Variants in USP15 observed in about 807,000 individuals in gnomAD.
USP15 encodes the protein ubiquitin specific peptidase 15, also known as ubiquitin carboxyl-terminal hydrolase 15.
Under a neutral mutation model 127.1 loss-of-function variants are expected in USP15, and 18 were observed. The ratio of observed to expected loss-of-function variants is 0.14; its 90% CI spans 0.10 to 0.21. USP15 has a LOEUF of 0.21. USP15 is among the 10% of genes least tolerant of loss of function. USP15 has a pLI of 1.00. For missense variants in USP15, 805 were observed against 1,159.9 expected (o/e 0.69, Z 4.44); for synonymous variants, 364 against 393.7 (o/e 0.92, Z 0.89).
At chr12:62,320,884 A>G (rs182954450) in intron 4 of USP15, among the ~76,000 whole-genome samples, 13 of 152,284 alleles carry the variant, frequency 8.5e-5, no homozygotes, top group Admixed American at 5.9e-4. Flanking sequence ...CCAGAACTAG[A>G]TGAAATTTCA....
chr12:62,329,205 C>T (rs964760074), intron 6 of USP15, among the ~76,000 whole-genome samples: 10 of 152,068 alleles, frequency 6.6e-5, no homozygotes, highest in Middle Eastern at 3.2e-3. Flanking sequence ...AATCCTACCT[C>T]TACTAAAAAT....
chr12:62,345,377 A>G (rs759919900), intron 6 of USP15, among the ~76,000 whole-genome samples: 1 of 152,138 alleles, frequency 6.6e-6, no homozygotes, highest in Non-Finnish European at 1.5e-5. Context: ...ATCTGAGACT[A>G]CCTCAGCCTG....
intron 4 of USP15, among the ~76,000 whole-genome samples, chr12:62,316,829 C>T (rs1464223091): frequency 2.0e-5 from 3 of 152,046 alleles, no homozygotes; most frequent in South Asian, 2.1e-4. Flanking sequence ...GAATTTGTCA[C>T]GAAGATATGT....
chr12:62,315,367 C>G (rs1490693800), intron 4 of USP15, among the ~76,000 whole-genome samples: 1 of 151,662 alleles, frequency 6.6e-6, no homozygotes, highest in African/African-American at 2.4e-5. Flanking sequence ...TAATGAGTAG[C>G]GTAAGCAGTT....
intron 6 of USP15, among the ~76,000 whole-genome samples, chr12:62,346,625 A>G (rs1474160061): frequency 2.6e-5 from 4 of 152,132 alleles, no homozygotes; most frequent in Admixed American, 1.3e-4. Flanking sequence ...TGTTGTTTTT[A>G]TAGTTCCCTA....
intron 8 of USP15, among the ~76,000 whole-genome samples, chr12:62,362,816 A>G (rs1036517290): frequency 1.3e-5 from 2 of 152,204 alleles, no homozygotes; most frequent in Non-Finnish European, 2.9e-5. Context: ...GATAAGTATC[A>G]TGAAAGAGAA....
intron 6 of USP15, among the ~76,000 whole-genome samples, chr12:62,337,943 A>C (rs766584358): frequency 6.6e-6 from 1 of 152,130 alleles, no homozygotes; most frequent in Non-Finnish European, 1.5e-5. Flanking sequence ...ATAAACATAC[A>C]TGTGCATGTG....
Position 62,391,906 on chromosome 12 carries a change from C to A in USP15, c.2304+20C>A. On this transcript the variant is annotated intron_variant, in intron 17 of 21. Coordinates refer to ENST00000280377, the MANE Select transcript of USP15 (RefSeq NM_001252078.2). Reference sequence around the variant, plus strand: ...GCTGAGGTAAGTCATCACTCACTCACTTATTTACCTTTCCTTGATTTACTT... The same window carrying A: ...GCTGAGGTAAGTCATCACTCACTCAATTATTTACCTTTCCTTGATTTACTT... 1 of 1,583,808 alleles carries A rather than the reference C, an allele frequency of 6.3e-7. No homozygotes were observed. The highest frequency in any genetic ancestry group is 8.6e-7 in the Non-Finnish European group (1 of 1,160,146).
intron 1 of USP15, among the ~76,000 whole-genome samples, chr12:62,270,852 T>G (rs1250012813): frequency 6.6e-6 from 1 of 152,092 alleles, no homozygotes; most frequent in Non-Finnish European, 1.5e-5. Flanking sequence ...TAAATATTCT[T>G]AAATATGTGT....
intron 6 of USP15, chr12:62,334,089 A>C (rs34007988): frequency 0.063 from 9,589 of 152,266 alleles, 399 homozygotes; most frequent in Middle Eastern, 0.095. Flanking sequence ...ATTATAGAAA[A>C]AGTAAGAATG....
chr12:62,346,663 C>A (rs944985964), intron 6 of USP15, among the ~76,000 whole-genome samples: 10 of 152,132 alleles, frequency 6.6e-5, no homozygotes, highest in African/African-American at 1.7e-4. Flanking sequence ...CAGTCTTTTT[C>A]TCTTCCTTAA....
intron 9 of USP15, 139 bp from the exon 10 acceptor site, chr12:62,383,701 T>C: frequency 9.4e-7 from 1 of 1,061,798 alleles, no homozygotes; most frequent in East Asian, 2.6e-5. Flanking sequence ...CATGAATTGA[T>C]TTTGGGGTTA....
intron 3 of USP15, among the ~76,000 whole-genome samples, chr12:62,306,266 A>G (rs1003410558): frequency 4.6e-5 from 7 of 152,208 alleles, no homozygotes; most frequent in African/African-American, 1.7e-4. Context: ...ATTATGCAGC[A>G]ATAGATAACT....
intron 20 of USP15, among the ~76,000 whole-genome samples, chr12:62,400,462 C>A (rs1254866573): frequency 2.0e-5 from 3 of 151,870 alleles, no homozygotes; most frequent in African/African-American, 7.3e-5. Context: ...CAGCACGTGG[C>A]AAATTCAAGT....
At chr12:62,280,193 TAATA>T (rs1258624584) in intron 1 of USP15, among the ~76,000 whole-genome samples, 12 of 152,206 alleles carry the variant, frequency 7.9e-5, no homozygotes, top group Admixed American at 7.9e-4. Flanking sequence ...TAATAATTAA[TAATA>T]AATTAAGCTT....
At chr12:62,286,043 T>G (rs987847373) in intron 1 of USP15, among the ~76,000 whole-genome samples, 2 of 152,226 alleles carry the variant, frequency 1.3e-5, no homozygotes, top group African/African-American at 4.8e-5. Context: ...ATGTGGAATT[T>G]TTTTTCATAT....
intron 3 of USP15, 130 bp from the exon 4 acceptor site, chr12:62,314,660 G>A (rs574732363): frequency 1.2e-6 from 1 of 846,246 alleles, no homozygotes; most frequent in African/African-American, 1.7e-5. Flanking sequence ...TATATATATT[G>A]GCAGGCTTTA....
chr12:62,313,572 C>T (rs2064744943), intron 3 of USP15, among the ~76,000 whole-genome samples: 3 of 151,622 alleles, frequency 2.0e-5, no homozygotes, highest in African/African-American at 7.2e-5. Flanking sequence ...TTCCTTGTTT[C>T]TCTACTTAAA....
chr12:62,309,437 AAAGAAAGCTTCAGGCC>A (rs533000088), intron 3 of USP15, among the ~76,000 whole-genome samples: 52 of 152,234 alleles, frequency 3.4e-4, no homozygotes, highest in Middle Eastern at 3.4e-3. Flanking sequence ...ACCTTCCCAC[AAAGAAAGCTTCAGGCC>A]AAGAAAGCTT....
Sources: allele counts gnomAD v4.1 joint callset (sites outside exome capture counted in the v4.1 genomes callset), GRCh38; gene constraint gnomAD v4.1.1; transcripts MANE v1.5; gene names NCBI Gene and HGNC (gene_info 2026-07-23, HGNC 2026-07-21).